The following SPTLC2 variants were observed in gnomAD, a reference collection of about 807,000 sequenced individuals.
SPTLC2 encodes serine palmitoyltransferase 2.
In SPTLC2, 21 loss-of-function variants were observed where a neutral mutation model predicts 62.0. The observed-to-expected ratio is 0.34, with a 90% CI of 0.24 to 0.49. The LOEUF (loss-of-function observed/expected upper bound fraction) is 0.49. SPTLC2 is among the 20% of genes least tolerant of loss of function. The pLI is 0.99. For missense variants in SPTLC2, 511 were observed against 713.0 expected, an observed-to-expected ratio of 0.72 and a Z score of 3.23; for synonymous variants, 261 against 261.8, an observed-to-expected ratio of 1.00 and a Z score of 0.03.
chr14:77,538,647 T>C (rs947813422), intron 9 of SPTLC2, among the ~76,000 whole-genome samples: 4 of 152,172 alleles, frequency 2.6e-5, no homozygotes, highest in Non-Finnish European at 5.9e-5. Context: ...CTTGGCTCAA[T>C]GCTACCTCTG....
intron 6 of SPTLC2, 52 bp downstream of exon 6, chr14:77,562,344 A>T: frequency 6.7e-7 from 1 of 1,498,174 alleles, no homozygotes; most frequent in Non-Finnish European, 9.3e-7. Context: ...CCCACCATGG[A>T]TCGAAAGAAT....
intron 2 of SPTLC2, among the ~76,000 whole-genome samples, chr14:77,584,043 CA>C (rs1254556825): frequency 1.3e-5 from 2 of 152,200 alleles, no homozygotes; most frequent in Non-Finnish European, 2.9e-5. Context: ...CTCAAGAGAA[CA>C]ACTCAAACTC....
chr14:77,515,581 G>A (rs140870193), intron 11 of SPTLC2, among the ~76,000 whole-genome samples: 9,294 of 135,796 alleles, frequency 0.068, 467 homozygotes, highest in Admixed American at 0.16. Flanking sequence ...ACAGAGTCTC[G>A]CACTGTCGCC....
At chr14:77,533,865 G>A (rs948334473) in intron 9 of SPTLC2, among the ~76,000 whole-genome samples, 1 of 152,056 alleles carries the variant, frequency 6.6e-6, no homozygotes. Flanking sequence ...CTTTCTTTTA[G>A]AATAAATATG....
rs2079323377 is a variant in SPTLC2, at chr14:77,509,841, A to G, written c.*2443T>C. On this transcript the variant is annotated 3_prime_UTR_variant, in exon 12 of 12. Transcript: ENST00000216484. The stretch of plus-strand genomic sequence containing the variant: ...ATTTGTCTCTTCAAAATAAACTTGT[A>G]ACAAAATTACACTTATCTTGAAATA... 5.0e-6 allele frequency: 2 copies of G among 398,420 alleles called. No individual in the cohort carries two copies. Among genetic ancestry groups the G allele is most frequent in the Admixed American group, 8.8e-5 (2 of 22,732 alleles). The allele number at this position is 398,420 out of a possible 1,614,324, so 24.7% of individuals were successfully genotyped here.
rs1267433139 is a variant in SPTLC2 at position 77,506,710 on chromosome 14, T to C, written c.*5574A>G. 6.6e-6 allele frequency: 1 copy of C among 152,178 alleles called. No homozygotes were observed. Among genetic ancestry groups the C allele is most frequent in the East Asian group, 1.9e-4 (1 of 5,196 alleles). 9.4% of individuals were successfully genotyped at this position (152,178 alleles called of 1,614,324 possible). ...TTGCAAAAGAAACCTGGGAAGAGCG[T>C]TGGAAAAAGCAGACTCTGAGTTGGC... On this transcript the variant is annotated 3_prime_UTR_variant, in exon 12 of 12. Coordinates refer to ENST00000216484, the MANE Select transcript of SPTLC2 (RefSeq NM_004863.4).
chr14:77,596,664 G>A (rs758124125), intron 2 of SPTLC2, among the ~76,000 whole-genome samples: 2 of 152,190 alleles, frequency 1.3e-5, no homozygotes, highest in African/African-American at 2.4e-5. Context: ...AAATAGAATC[G>A]GTTGGCCACA....
intron 1 of SPTLC2, among the ~76,000 whole-genome samples, chr14:77,613,941 C>T (rs1208181035): frequency 3.9e-5 from 6 of 152,198 alleles, no homozygotes. Flanking sequence ...AAAATATTCA[C>T]AGACAATATT....
chr14:77,588,922 G>A (rs1450039609), intron 2 of SPTLC2, among the ~76,000 whole-genome samples: 1 of 142,930 alleles, frequency 7.0e-6, no homozygotes, highest in Non-Finnish European at 1.5e-5. Context: ...CCTGAGCACA[G>A]GGAGGTCGAG....
chr14:77,611,137 C>CAAAAAAAAAAAA (rs71128656), intron 1 of SPTLC2, among the ~76,000 whole-genome samples: 1 of 126,514 alleles, frequency 7.9e-6, no homozygotes, highest in Non-Finnish European at 1.7e-5. Flanking sequence ...ACTAAAAATA[C>CAAAAAAAAAAAA]AAAAAAAAAA....
chr14:77,516,915 A>AG (rs2079362064), intron 11 of SPTLC2, among the ~76,000 whole-genome samples: 1 of 152,236 alleles, frequency 6.6e-6, no homozygotes. Context: ...AAATTGTTAT[A>AG]ATTAACTTTT....
chr14:77,529,620 C>CTTTCTTTCTTTCTTTCTTTTTTTTT (rs1555373703), intron 9 of SPTLC2, among the ~76,000 whole-genome samples: 1 of 76,048 alleles, frequency 1.3e-5, no homozygotes, highest in Non-Finnish European at 2.7e-5. Context: ...TTCTTTCTTT[C>CTTTCTTTCTTTCTTTCTTTTTTTTT]TTTTTTTTTT....
chr14:77,530,802 C>G (rs184320551), intron 9 of SPTLC2, among the ~76,000 whole-genome samples: 1 of 151,772 alleles, frequency 6.6e-6, no homozygotes, highest in Non-Finnish European at 1.5e-5. Flanking sequence ...CTTTGAATGA[C>G]TCAATGATGT....
Position 77,576,626 on chromosome 14 carries a change from G to C in SPTLC2, c.631+141C>G, listed in dbSNP as rs1414870536. On this transcript the variant is annotated intron_variant, in intron 4 of 11. Coordinates refer to ENST00000216484, the MANE Select transcript of SPTLC2 (RefSeq NM_004863.4). ...CATTGAAATCATCCATCACACTTCA[G>C]AAAAACAAAGCATTCTTCACCTTAT... 2.5e-6 allele frequency: 3 copies of C among 1,219,214 alleles called. No individual in the cohort carries two copies. In the East Asian group the frequency reaches 7.6e-5, roughly 31 times the overall value. The allele number at this position is 1,219,214 out of a possible 1,614,324, so 75.5% of individuals were successfully genotyped here. A position where few individuals can be genotyped will look rare whatever the true frequency, so the allele number is the denominator to read the frequency against.
intron 9 of SPTLC2, among the ~76,000 whole-genome samples, chr14:77,543,647 C>G (rs943210483): frequency 3.3e-5 from 5 of 152,026 alleles, no homozygotes; most frequent in African/African-American, 1.2e-4. Context: ...CAGCCCCCCC[C>G]AAAAAAAGTA....
intron 1 of SPTLC2, among the ~76,000 whole-genome samples, chr14:77,597,638 G>T (rs1209278367): frequency 6.6e-6 from 1 of 151,684 alleles, no homozygotes; most frequent in Admixed American, 6.6e-5. Flanking sequence ...GCCAGGATTG[G>T]TGGTGCACAC....
chr14:77,522,717 C>T (rs182195646), intron 9 of SPTLC2, among the ~76,000 whole-genome samples: 12 of 152,246 alleles, frequency 7.9e-5, no homozygotes, highest in Admixed American at 6.5e-4. Context: ...TTGGAAAGGG[C>T]TAAGAACTGT....
At chr14:77,616,152 G>A (rs1465497581) in intron 1 of SPTLC2, among the ~76,000 whole-genome samples, 2 of 152,196 alleles carry the variant, frequency 1.3e-5, no homozygotes, top group South Asian at 4.1e-4. Flanking sequence ...GCTTCCCCTG[G>A]GGACAGCACA....
intron 2 of SPTLC2, among the ~76,000 whole-genome samples, chr14:77,589,547 T>C (rs1017447016): frequency 6.6e-6 from 1 of 151,462 alleles, no homozygotes; most frequent in Non-Finnish European, 1.5e-5. Flanking sequence ...CCCAGTACTT[T>C]GGGAGGTCGA....
Sources: allele counts gnomAD v4.1 joint callset (sites outside exome capture counted in the v4.1 genomes callset), GRCh38; gene constraint gnomAD v4.1.1; transcripts MANE v1.5; gene names NCBI Gene and HGNC (gene_info 2026-07-23, HGNC 2026-07-21).